Variants in EYA4 observed in about 807,000 individuals in gnomAD.
EYA4 encodes the protein EYA transcriptional coactivator and phosphatase 4, also known as protein phosphatase EYA4.
A neutral mutation model predicts 87.9 loss-of-function variants in EYA4; 31 were observed. The ratio of observed to expected loss-of-function variants is 0.35; its 90% CI spans 0.27 to 0.48. The LOEUF (loss-of-function observed/expected upper bound fraction) is 0.48, where lower values mean the gene tolerates loss of function less well. Among genes scored for constraint, EYA4 ranks in the 20% least tolerant of loss-of-function variants. The pLI, the probability that EYA4 is intolerant of heterozygous loss-of-function variation, is 0.99. For missense variants in EYA4, 678 were observed against 761.4 expected, an observed-to-expected ratio of 0.89 and a Z score of 1.29; for synonymous variants, 263 against 270.6, an observed-to-expected ratio of 0.97 and a Z score of 0.28.
chr6:133,386,999 G>C (rs1443378839), intron 3 of EYA4, among the ~76,000 whole-genome samples: 1 of 152,120 alleles, frequency 6.6e-6, no homozygotes, highest in Non-Finnish European at 1.5e-5. Context: ...TCTTGCCCTA[G>C]TCTTTACTAA....
At chr6:133,394,497 T>C (rs1393740094) in intron 3 of EYA4, among the ~76,000 whole-genome samples, 1 of 151,682 alleles carries the variant, frequency 6.6e-6, no homozygotes, top group African/African-American at 2.4e-5. Context: ...TTTCCAAGGC[T>C]CCACAGACTT....
chr6:133,498,414 A>C (rs550071407), intron 13 of EYA4, among the ~76,000 whole-genome samples: 2 of 152,194 alleles, frequency 1.3e-5, no homozygotes, highest in Non-Finnish European at 2.9e-5. Context: ...TAAATGAGTT[A>C]ATGCATTAAA....
intron 11 of EYA4, among the ~76,000 whole-genome samples, chr6:133,472,993 G>C (rs1162077567): frequency 6.6e-6 from 1 of 151,844 alleles, no homozygotes; most frequent in African/African-American, 2.4e-5. Context: ...TAGACTTGGA[G>C]AAAATATTTA....
intron 2 of EYA4, chr6:133,360,285 G>A (rs1784359317): frequency 6.6e-6 from 1 of 152,196 alleles, no homozygotes; most frequent in Admixed American, 6.5e-5. Context: ...TTACGGCTTA[G>A]TAGGCTAGGA....
chr6:133,530,863 T>G lies in EYA4; in HGVS notation c.*2058T>G. On this transcript the variant is annotated 3_prime_UTR_variant, in exon 20 of 20. Transcript: ENST00000355286. ...AATATAAAAATAATGATAGTAAATC[T>G]TATACTTCTGTTGGCCCTTAGCTTG... 1 of 1,025,124 alleles carries G rather than the reference T, an allele frequency of 9.8e-7. No homozygotes were observed. The highest frequency in any genetic ancestry group is 1.2e-6 in the Non-Finnish European group (1 of 853,346). The allele number at this position is 1,025,124 out of a possible 1,614,324, so 63.5% of individuals were successfully genotyped here. A position where few individuals can be genotyped will look rare whatever the true frequency, so the allele number is the denominator to read the frequency against.
chr6:133,427,026 A>G (rs1386725094), intron 3 of EYA4, among the ~76,000 whole-genome samples: 2 of 152,212 alleles, frequency 1.3e-5, no homozygotes, highest in Non-Finnish European at 2.9e-5. Flanking sequence ...AAGGCAGAGA[A>G]TTTTTGTCTG....
intron 11 of EYA4, among the ~76,000 whole-genome samples, chr6:133,479,972 C>A (rs1796066182): frequency 6.6e-6 from 1 of 152,150 alleles, no homozygotes; most frequent in African/African-American, 2.4e-5. Flanking sequence ...GTACAGAAGT[C>A]AATTGGATTC....
At chr6:133,524,161 T>G (rs1349369464) in intron 18 of EYA4, among the ~76,000 whole-genome samples, 1 of 152,224 alleles carries the variant, frequency 6.6e-6, no homozygotes, top group Non-Finnish European at 1.5e-5. Context: ...TGTGTATTTA[T>G]GTCAGCAGGA....
At chr6:133,326,709 C>T (rs1192374170) in intron 2 of EYA4, among the ~76,000 whole-genome samples, 1 of 152,202 alleles carries the variant, frequency 6.6e-6, no homozygotes, top group Non-Finnish European at 1.5e-5. Context: ...GACACAGGGA[C>T]CGATTGTTCC....
chr6:133,447,696 G>A (rs1381179278), intron 4 of EYA4, among the ~76,000 whole-genome samples: 1 of 152,094 alleles, frequency 6.6e-6, no homozygotes, highest in African/African-American at 2.4e-5. Flanking sequence ...CAACTTACCT[G>A]TATTTAATAA....
At chr6:133,317,233 C>G (rs979156607) in intron 2 of EYA4, among the ~76,000 whole-genome samples, 1 of 152,180 alleles carries the variant, frequency 6.6e-6, no homozygotes, top group South Asian at 2.1e-4. Context: ...TAGCACAAAC[C>G]TGTAATTACC....
At chr6:133,412,497 A>G (rs1789328029) in intron 3 of EYA4, among the ~76,000 whole-genome samples, 1 of 152,160 alleles carries the variant, frequency 6.6e-6, no homozygotes, top group East Asian at 1.9e-4. Context: ...TACTTTGTAT[A>G]AATGGAATTT....
intron 14 of EYA4, among the ~76,000 whole-genome samples, chr6:133,511,298 G>A (rs915629737): frequency 6.6e-6 from 1 of 151,928 alleles, no homozygotes; most frequent in African/African-American, 2.4e-5. Context: ...GTTTAGTATG[G>A]TGTATTTTCA....
chr6:133,375,283 T>C (rs1017587918), intron 2 of EYA4, among the ~76,000 whole-genome samples: 2 of 151,974 alleles, frequency 1.3e-5, no homozygotes, highest in African/African-American at 2.4e-5. Flanking sequence ...GTGTACATCT[T>C]ATGGGAAGTC....
chr6:133,332,429 C>T (rs1375307646), intron 2 of EYA4, among the ~76,000 whole-genome samples: 1 of 152,206 alleles, frequency 6.6e-6, no homozygotes, highest in Non-Finnish European at 1.5e-5. Context: ...CCTCCTTTTC[C>T]CAGTTTCTGT....
intron 2 of EYA4, among the ~76,000 whole-genome samples, chr6:133,295,561 A>G (rs1778884435): frequency 6.6e-6 from 1 of 152,224 alleles, no homozygotes; most frequent in African/African-American, 2.4e-5. Context: ...ATAATTTTTC[A>G]TAGATACTAA....
At chr6:133,381,013 TC>T (rs1237901560) in intron 2 of EYA4, among the ~76,000 whole-genome samples, 1 of 143,378 alleles carries the variant, frequency 7.0e-6, no homozygotes, top group Non-Finnish European at 1.5e-5. Context: ...CCTCATCCCC[TC>T]CTCCTTCTCT....
chr6:133,329,196 A>G (rs1312688765), intron 2 of EYA4, among the ~76,000 whole-genome samples: 1 of 152,110 alleles, frequency 6.6e-6, no homozygotes, highest in African/African-American at 2.4e-5. Flanking sequence ...CAAACTTTTT[A>G]AAGTTGTTAA....
chr6:133,529,772 A>G lies in EYA4; in HGVS notation c.*967A>G. On this transcript the variant is annotated 3_prime_UTR_variant, in exon 20 of 20. Coordinates refer to ENST00000355286, the MANE Select transcript of EYA4 (RefSeq NM_004100.5). ...AAAGACTGTGGGACCTTTACTTAGA[A>G]AGTGAAATGTATGTAGAAGTCTCAA... The G allele has an allele frequency of 1.0e-6, 1 of 985,154 alleles. No homozygotes were observed. Among genetic ancestry groups the G allele is most frequent in the Non-Finnish European group, 1.2e-6 (1 of 829,674 alleles). The allele number at this position is 985,154 out of a possible 1,614,324, so 61.0% of individuals were successfully genotyped here. A position where few individuals can be genotyped will look rare whatever the true frequency, so the allele number is the denominator to read the frequency against.
Sources: gnomAD v4.1 joint callset for allele counts (sites outside exome capture counted in the v4.1 genomes callset) on GRCh38, gnomAD v4.1.1 for gene constraint, MANE v1.5 for transcripts, NCBI Gene and HGNC (gene_info 2026-07-23, HGNC 2026-07-21) for gene names.